The following SYT17 variants were observed in gnomAD, a reference collection of about 807,000 sequenced individuals.
SYT17 encodes the protein synaptotagmin-17.
Under a neutral mutation model 46.7 loss-of-function variants are expected in SYT17, and 22 were observed. The observed-to-expected ratio is 0.47, with a 90% CI of 0.34 to 0.67. SYT17 has a LOEUF of 0.67. SYT17 is among the 30% of genes least tolerant of loss of function. The pLI is 0.01. For synonymous variants in SYT17, 251 were observed against 248.4 expected, an observed-to-expected ratio of 1.01 and a Z score of -0.10; for missense variants, 519 against 612.8, an observed-to-expected ratio of 0.85 and a Z score of 1.62.
intron 1 of SYT17, chr16:19,170,595 A>G (rs763730574): frequency 6.6e-6 from 1 of 152,034 alleles, no homozygotes; most frequent in Non-Finnish European, 1.5e-5. Context: ...CTTGACACTC[A>G]TCTTGCACCT....
intron 7 of SYT17, among the ~76,000 whole-genome samples, chr16:19,264,802 C>T (rs545031543): frequency 1.1e-4 from 17 of 152,146 alleles, no homozygotes; most frequent in South Asian, 8.3e-4. Flanking sequence ...CCATGTTGCC[C>T]AGACTAGTCT....
intron 7 of SYT17, among the ~76,000 whole-genome samples, chr16:19,248,157 A>G (rs1000587511): frequency 2.0e-5 from 3 of 152,220 alleles, no homozygotes; most frequent in African/African-American, 4.8e-5. Context: ...AATGCAAATT[A>G]AAACCATAAT....
chr16:19,200,797 AAGAAG>A (rs1447397338), intron 5 of SYT17, among the ~76,000 whole-genome samples: 1 of 152,224 alleles, frequency 6.6e-6, no homozygotes, highest in Non-Finnish European at 1.5e-5. Flanking sequence ...TGTTGAGAGA[AAGAAG>A]AGAAGAGGAG....
intron 5 of SYT17, among the ~76,000 whole-genome samples, chr16:19,220,820 C>T (rs1966288721): frequency 6.6e-6 from 1 of 152,112 alleles, no homozygotes; most frequent in African/African-American, 2.4e-5. Context: ...GTAAGGGGGA[C>T]TCTGGCTAAA....
At chr16:19,210,245 A>T (rs1043653401) in intron 5 of SYT17, among the ~76,000 whole-genome samples, 79 of 152,070 alleles carry the variant, frequency 5.2e-4, no homozygotes, top group African/African-American at 1.8e-3. Context: ...TATTATTATT[A>T]TTTTTTAATT....
intron 7 of SYT17, among the ~76,000 whole-genome samples, chr16:19,256,437 A>AACAC (rs57120408): frequency 0.47 from 60,511 of 128,596 alleles, 16,184 homozygotes; most frequent in Non-Finnish European, 0.59. Context: ...CCCCTCTTCA[A>AACAC]ACACACACAC....
At chr16:19,247,725 A>T (rs972709701) in intron 7 of SYT17, among the ~76,000 whole-genome samples, 1 of 152,208 alleles carries the variant, frequency 6.6e-6, no homozygotes, top group African/African-American at 2.4e-5. Context: ...TACCTTTAAA[A>T]TCATCTTTAT....
chr16:19,193,362 T>G (rs1020056558), intron 5 of SYT17, among the ~76,000 whole-genome samples: 1 of 152,218 alleles, frequency 6.6e-6, no homozygotes, highest in Admixed American at 6.5e-5. Flanking sequence ...GAATGTTTGA[T>G]TTGGGCCTAG....
At chr16:19,231,912 G>A (rs1420023482) in intron 7 of SYT17, among the ~76,000 whole-genome samples, 1 of 152,184 alleles carries the variant, frequency 6.6e-6, no homozygotes, top group Non-Finnish European at 1.5e-5. Flanking sequence ...ATTGGTCTAA[G>A]GGCTCTGAAG....
At chr16:19,256,896 G>A (rs1020304158) in intron 7 of SYT17, among the ~76,000 whole-genome samples, 3 of 152,008 alleles carry the variant, frequency 2.0e-5, no homozygotes, top group African/African-American at 7.2e-5. Flanking sequence ...TTGAGATAAA[G>A]GAAGAAATTA....
intron 5 of SYT17, among the ~76,000 whole-genome samples, chr16:19,188,054 A>G (rs899900011): frequency 6.6e-6 from 1 of 152,224 alleles, no homozygotes; most frequent in African/African-American, 2.4e-5. Context: ...TTGCAGCACT[A>G]TTCACAATAG....
At chr16:19,205,117 A>G (rs1484095494) in intron 5 of SYT17, among the ~76,000 whole-genome samples, 2 of 152,186 alleles carry the variant, frequency 1.3e-5, no homozygotes, top group African/African-American at 2.4e-5. Flanking sequence ...CCCAGCAGCC[A>G]GGGGAATACA....
chr16:19,242,884 G>T (rs1192925845), intron 7 of SYT17, among the ~76,000 whole-genome samples: 1 of 152,122 alleles, frequency 6.6e-6, no homozygotes, highest in Non-Finnish European at 1.5e-5. Context: ...GATAGGCATG[G>T]AGGAAACAGA....
intron 7 of SYT17, among the ~76,000 whole-genome samples, chr16:19,233,072 G>A (rs1966763299): frequency 6.6e-6 from 1 of 152,178 alleles, no homozygotes; most frequent in East Asian, 1.9e-4. Context: ...TGTGCAGGCT[G>A]GGTTGGCCAA....
chr16:19,246,215 C>A (rs1054475750), intron 7 of SYT17, among the ~76,000 whole-genome samples: 1 of 152,052 alleles, frequency 6.6e-6, no homozygotes, highest in Admixed American at 6.6e-5. Context: ...TGGTCTCGAA[C>A]TCTTGGCCTC....
Position 19,256,437 on chromosome 16 carries a change from AACACACACACACAC to A in SYT17, c.1229-10412_1229-10399del, listed in dbSNP as rs57120408. 5.3e-4 allele frequency among the ~76,000 whole-genome samples: 68 copies of A among 128,976 alleles called. 1 individual carries two copies. Among genetic ancestry groups the A allele is most frequent in the Non-Finnish European group, 6.5e-4 (41 of 62,954 alleles). The allele number at this position is 128,976 out of a possible 152,430, so 84.6% of individuals were successfully genotyped here. A position where few individuals can be genotyped will look rare whatever the true frequency, so the allele number is the denominator to read the frequency against. ...TGGTTGAGGTTTTAACCCCTCTTCA[AACACACACACACAC>A]ACACACACACACACACACACACACA... On this transcript the variant is annotated intron_variant, in intron 7 of 7. Coordinates refer to ENST00000355377, the MANE Select transcript of SYT17 (RefSeq NM_016524.4).
rs1057202849 is a variant in SYT17 at position 19,211,469 on chromosome 16, G to T, written c.952-11576G>T. 8.5e-6 allele frequency: 6 copies of T among 703,834 alleles called. No homozygotes were observed. The African/African-American group carries it at 1.0e-4, about 12-fold the overall frequency. The allele number at this position is 703,834 out of a possible 1,614,324, so 43.6% of individuals were successfully genotyped here. A position where few individuals can be genotyped will look rare whatever the true frequency, so the allele number is the denominator to read the frequency against. On this transcript the variant is annotated intron_variant, in intron 5 of 7. Coordinates refer to ENST00000355377, the MANE Select transcript of SYT17 (RefSeq NM_016524.4). Reference sequence around the variant, plus strand: ...GAGAAAAAGGTAAGGACCAAGTACCGTGAAGGAAATGACAAGGTGGTGTGA... The same window carrying T: ...GAGAAAAAGGTAAGGACCAAGTACCTTGAAGGAAATGACAAGGTGGTGTGA...
At position 19,253,654 on chromosome 16, in the gene SYT17, GA is replaced by G. The variant is rs1567235666; in HGVS notation, c.1229-13220del. 5.8e-4 allele frequency among the ~76,000 whole-genome samples: 63 copies of G among 108,712 alleles called. No homozygotes were observed. In the East Asian group the frequency reaches 0.013, roughly 23 times the overall value. 71.3% of individuals were successfully genotyped at this position (108,712 alleles called of 152,430 possible). ...GACCCTGCTTCTTAAGAAAAGAAAAGAAAAAAGAAAAGAAAGAGAAAAAGTG... is the reference window on the plus strand; with the variant it reads ...GACCCTGCTTCTTAAGAAAAGAAAAGAAAAAGAAAAGAAAGAGAAAAAGTG... On this transcript the variant is annotated intron_variant, in intron 7 of 7. Transcript: ENST00000355377.
rs1965954657 is a variant in SYT17 at position 19,212,742 on chromosome 16, C to T, written c.952-10303C>T. On this transcript the variant is annotated intron_variant, in intron 5 of 7. Coordinates refer to ENST00000355377, the MANE Select transcript of SYT17 (RefSeq NM_016524.4). The stretch of plus-strand genomic sequence containing the variant: ...GCTCTGACATTCCAATCTTATCTCA[C>T]TAAATTTGGATAAGGAAGACTTCAC... Among the ~76,000 whole-genome samples, 4 of 152,212 alleles carry T rather than the reference C, an allele frequency of 2.6e-5. No homozygotes were observed. The South Asian group carries it at 8.3e-4, about 32-fold the overall frequency.
Sources: allele counts gnomAD v4.1 joint callset (sites outside exome capture counted in the v4.1 genomes callset), GRCh38; gene constraint gnomAD v4.1.1; transcripts MANE v1.5; gene names NCBI Gene and HGNC (gene_info 2026-07-23, HGNC 2026-07-21).